The following ST3GAL2 variants were observed in gnomAD, a reference collection of about 807,000 sequenced individuals.
ST3GAL2 encodes the protein ST3 beta-galactoside alpha-2,3-sialyltransferase 2.
ST3GAL2 carries 16 observed loss-of-function variants against 37.5 expected under a neutral mutation model. The ratio of observed to expected loss-of-function variants is 0.43; its 90% CI spans 0.29 to 0.65. The LOEUF is 0.65. ST3GAL2 is among the 30% of genes least tolerant of loss of function. The pLI, the probability that ST3GAL2 is intolerant of heterozygous loss-of-function variation, is 0.17. For synonymous variants in ST3GAL2, 238 were observed against 202.9 expected, an observed-to-expected ratio of 1.17 and a Z score of -1.47; for missense variants, 383 against 487.8, an observed-to-expected ratio of 0.79 and a Z score of 2.02.
chr16:70,403,871 G>C (rs2047572029), intron 1 of ST3GAL2, among the ~76,000 whole-genome samples: 1 of 151,986 alleles, frequency 6.6e-6, no homozygotes, highest in Non-Finnish European at 1.5e-5. Flanking sequence ...GGTGCCTGTA[G>C]TCAGTCCTAC....
At chr16:70,435,575 G>A (rs1172289677) in intron 1 of ST3GAL2, among the ~76,000 whole-genome samples, 1 of 151,886 alleles carries the variant, frequency 6.6e-6, no homozygotes, top group African/African-American at 2.4e-5. Flanking sequence ...TCCAGCCTGG[G>A]CAACAAGAGT....
chr16:70,427,105 T>G (rs1291173610), intron 1 of ST3GAL2, among the ~76,000 whole-genome samples: 1 of 152,126 alleles, frequency 6.6e-6, no homozygotes, highest in African/African-American at 2.4e-5. Flanking sequence ...TACCTCAGCA[T>G]CCCAAAGTGC....
At position 70,407,383 on chromosome 16, in the gene ST3GAL2, C is replaced by T. The variant is rs752514741; in HGVS notation, c.-1003-7850G>A. ...CTCAAACTCCTGACCTCAAGTGATCCGCCTGCCTCGGCCTCCCCAGGTGCT... is the reference window on the plus strand; with the variant it reads ...CTCAAACTCCTGACCTCAAGTGATCTGCCTGCCTCGGCCTCCCCAGGTGCT... On this transcript the variant is annotated intron_variant, in intron 1 of 6. Transcript: ENST00000342907. Among the ~76,000 whole-genome samples the T allele has an allele frequency of 2.1e-4, 32 of 152,254 alleles. 1 individual carries two copies. Among genetic ancestry groups the T allele is most frequent in the South Asian group, 8.3e-4 (4 of 4,818 alleles).
intron 1 of ST3GAL2, among the ~76,000 whole-genome samples, chr16:70,403,824 A>G (rs1278605720): frequency 6.6e-6 from 1 of 151,910 alleles, no homozygotes; most frequent in Non-Finnish European, 1.5e-5. Flanking sequence ...CAAACAAACA[A>G]ACAAAAAAGT....
intron 1 of ST3GAL2, among the ~76,000 whole-genome samples, chr16:70,413,791 A>T (rs1418310562): frequency 1.4e-5 from 2 of 145,932 alleles, no homozygotes; most frequent in African/African-American, 5.3e-5. Context: ...AATAAATAAA[A>T]GCTTTAGCCC....
intron 1 of ST3GAL2, chr16:70,400,355 G>T (rs902056602): frequency 2.0e-5 from 3 of 152,474 alleles, no homozygotes; most frequent in African/African-American, 7.2e-5. Flanking sequence ...GCTGAGAAGG[G>T]AACCCCTGAG....
chr16:70,415,243 T>C (rs908830330), intron 1 of ST3GAL2, among the ~76,000 whole-genome samples: 8 of 150,778 alleles, frequency 5.3e-5, no homozygotes, highest in African/African-American at 1.5e-4. Context: ...TCCTGACTGT[T>C]AGGGATGAGC....
intron 1 of ST3GAL2, among the ~76,000 whole-genome samples, chr16:70,411,345 A>C (rs1279658385): frequency 6.6e-6 from 1 of 151,838 alleles, no homozygotes; most frequent in East Asian, 1.9e-4. Flanking sequence ...AGCGGAGATC[A>C]CACCTTCCAG....
chr16:70,387,382 C>T (rs949191910), intron 4 of ST3GAL2, among the ~76,000 whole-genome samples: 11 of 152,042 alleles, frequency 7.2e-5, no homozygotes, highest in Non-Finnish European at 5.9e-5. Context: ...TGGCAAAACA[C>T]CGTCTCTACT....
At chr16:70,429,762 C>G (rs2047776712) in intron 1 of ST3GAL2, among the ~76,000 whole-genome samples, 1 of 151,356 alleles carries the variant, frequency 6.6e-6, no homozygotes, top group Non-Finnish European at 1.5e-5. Flanking sequence ...CTGCCTCAGC[C>G]TCCCCAGTAG....
At chr16:70,413,468 C>A (rs886401358) in intron 1 of ST3GAL2, among the ~76,000 whole-genome samples, 3 of 145,722 alleles carry the variant, frequency 2.1e-5, no homozygotes, top group African/African-American at 7.7e-5. Context: ...ATAATCCCAG[C>A]ACTTTGGGAG....
intron 1 of ST3GAL2, among the ~76,000 whole-genome samples, chr16:70,404,757 G>A (rs530431490): frequency 1.9e-4 from 29 of 152,212 alleles, no homozygotes; most frequent in African/African-American, 6.3e-4. Flanking sequence ...ACACATGGCC[G>A]GGCACGGTGG....
chr16:70,408,935 AAAAT>A, intron 1 of ST3GAL2, among the ~76,000 whole-genome samples: 1 of 146,288 alleles, frequency 6.8e-6, no homozygotes, highest in South Asian at 2.2e-4. Context: ...AAAGAAAGAA[AAAAT>A]AAAGAAACGG....
chr16:70,422,179 G>A (rs1361824478), intron 1 of ST3GAL2, among the ~76,000 whole-genome samples: 2 of 152,152 alleles, frequency 1.3e-5, no homozygotes, highest in African/African-American at 4.8e-5. Context: ...ACACCTCTCT[G>A]GGCTGCAGGT....
intron 1 of ST3GAL2, among the ~76,000 whole-genome samples, chr16:70,420,739 T>C (rs566116365): frequency 6.6e-6 from 1 of 152,238 alleles, no homozygotes; most frequent in Non-Finnish European, 1.5e-5. Flanking sequence ...TATTTAGTAA[T>C]GTCTTTTGGA....
chr16:70,403,394 CTTT>C (rs1413557395), intron 1 of ST3GAL2, among the ~76,000 whole-genome samples: 7 of 152,200 alleles, frequency 4.6e-5, no homozygotes, highest in Non-Finnish European at 4.4e-5. Flanking sequence ...TTTAAGATGT[CTTT>C]TAGGCCAGCT....
At chr16:70,401,336 G>A (rs1321922972) in intron 1 of ST3GAL2, among the ~76,000 whole-genome samples, 2 of 152,222 alleles carry the variant, frequency 1.3e-5, no homozygotes, top group African/African-American at 4.8e-5. Flanking sequence ...GAACTGCACT[G>A]CCTGTTAGGG....
chr16:70,384,134 C>T (rs755770951), intron 4 of ST3GAL2, among the ~76,000 whole-genome samples: 37 of 152,124 alleles, frequency 2.4e-4, no homozygotes, highest in Non-Finnish European at 4.7e-4. Context: ...TAATGAACAT[C>T]CTAAGTCAGG....
In ST3GAL2 at chr16:70,376,384, CAG is replaced by C. The variant is rs1238504676; in HGVS notation, c.*5303_*5304del. On this transcript the variant is annotated 3_prime_UTR_variant, in exon 7 of 7. Transcript: ENST00000342907. Reference sequence around the variant, plus strand: ...TTCCCTCTGGAGAGAACCAGGCTGCCAGAGAGTCTGTGCTGTTCTCAGCAGCA... The same window carrying C: ...TTCCCTCTGGAGAGAACCAGGCTGCCAGAGTCTGTGCTGTTCTCAGCAGCA... 7.2e-5 allele frequency: 11 copies of C among 152,356 alleles called. No individual in the cohort carries two copies. In the East Asian group the frequency reaches 2.1e-3, roughly 29 times the overall value. 9.4% of individuals were successfully genotyped at this position (152,356 alleles called of 1,614,324 possible).
Sources: allele counts gnomAD v4.1 joint callset (sites outside exome capture counted in the v4.1 genomes callset), GRCh38; gene constraint gnomAD v4.1.1; transcripts MANE v1.5; gene names NCBI Gene and HGNC (gene_info 2026-07-23, HGNC 2026-07-21).